GATAD2A: variants seen among roughly 807,000 people sequenced by gnomAD.
GATAD2A encodes GATA zinc finger domain containing 2A, also known as transcriptional repressor p66-alpha.
Under a neutral mutation model 68.5 loss-of-function variants are expected in GATAD2A, and 12 were observed. The observed-to-expected ratio is 0.18, with a 90% confidence interval of 0.11 to 0.28. GATAD2A has a LOEUF of 0.28. Among genes scored for constraint, GATAD2A ranks in the 10% least tolerant of loss-of-function variants. The pLI is 1.00. For missense variants in GATAD2A, 755 were observed against 868.5 expected (o/e 0.87, Z 1.64); for synonymous variants, 410 against 375.3 (o/e 1.09, Z -1.07).
intron 1 of GATAD2A, among the ~76,000 whole-genome samples, chr19:19,436,569 G>A (rs930928505): frequency 1.2e-4 from 19 of 152,210 alleles, no homozygotes; most frequent in Admixed American, 6.5e-5. Context: ...GATAGATGCC[G>A]TTAGACTTTT....
rs148216799 is a variant in GATAD2A at position 19,482,801 on chromosome 19, T to A, written c.270-9505T>A. Among the ~76,000 whole-genome samples, 338 of 152,326 alleles carry A rather than the reference T, an allele frequency of 2.2e-3. 2 individuals are homozygous for A. The highest frequency in any genetic ancestry group is 7.2e-3 in the African/African-American group (301 of 41,564). ...CATTTCTAATGCATGTGTCTTCCTG[T>A]ATTTCTAAGCAGAACGTGCTGGATT... On this transcript the variant is annotated intron_variant, in intron 2 of 11. Coordinates refer to ENST00000683918, the MANE Select transcript of GATAD2A (RefSeq NM_001384528.1).
chr19:19,449,850 C>T (rs528186255), intron 1 of GATAD2A, among the ~76,000 whole-genome samples: 2 of 152,328 alleles, frequency 1.3e-5, no homozygotes, highest in South Asian at 4.1e-4. Flanking sequence ...TTTACAAGTC[C>T]TCTACCTGAA....
chr19:19,418,252 A>G (rs1449940198), intron 1 of GATAD2A, among the ~76,000 whole-genome samples: 1 of 152,176 alleles, frequency 6.6e-6, no homozygotes, highest in African/African-American at 2.4e-5. Flanking sequence ...TGAAGAGAGC[A>G]TGGCTCTCTG....
At chr19:19,498,759 C>T in intron 8 of GATAD2A, 37 bp downstream of exon 8, 2 of 1,562,654 alleles carry the variant, frequency 1.3e-6, no homozygotes, top group Non-Finnish European at 8.7e-7. Context: ...GCTTCCGCCT[C>T]TGGCCTCCAA....
At position 19,505,354 on chromosome 19, in the gene GATAD2A, T is replaced by TG; in HGVS notation, c.1786dup (p.Ala596GlyfsTer60). The TG allele has an allele frequency of 6.2e-7, 1 of 1,613,296 alleles. No individual in the cohort carries two copies. Among genetic ancestry groups the TG allele is most frequent in the Non-Finnish European group, 8.5e-7 (1 of 1,179,728 alleles). On this transcript the variant is annotated frameshift_variant, in exon 12 of 12. Coordinates refer to ENST00000683918, the MANE Select transcript of GATAD2A (RefSeq NM_001384528.1). LOFTEE classifies it high-confidence loss of function. ...TCTGTTCTGTTGCAGGCGGGACCCT[T>TG]GCGTTTGTCAGCCCAAGCCTGGCGG...
chr19:19,477,645 G>A (rs537856576), intron 2 of GATAD2A, among the ~76,000 whole-genome samples: 133 of 152,328 alleles, frequency 8.7e-4, no homozygotes, highest in African/African-American at 2.8e-3. Flanking sequence ...GATGCAGGAA[G>A]GGTGGAACAT....
At position 19,436,636 on chromosome 19, in the gene GATAD2A, T is replaced by A. The variant is rs369551929; in HGVS notation, c.-6-28704T>A. 6.6e-5 allele frequency among the ~76,000 whole-genome samples: 10 copies of A among 152,334 alleles called. No individual in the cohort carries two copies. In the East Asian group the frequency reaches 1.5e-3, roughly 23 times the overall value. On this transcript the variant is annotated intron_variant, in intron 1 of 11. Transcript: ENST00000683918. Reference sequence around the variant, plus strand: ...ACTGGTTCTTGGAGCTGGTTGCCCTTACCTTGCCTCGTGCCTCATGGCAAA... The same window carrying A: ...ACTGGTTCTTGGAGCTGGTTGCCCTAACCTTGCCTCGTGCCTCATGGCAAA...
intron 1 of GATAD2A, among the ~76,000 whole-genome samples, chr19:19,430,469 G>A (rs1259118671): frequency 6.6e-6 from 1 of 152,232 alleles, no homozygotes; most frequent in Non-Finnish European, 1.5e-5. Flanking sequence ...GAACGGTGTT[G>A]TTGGGTTTCA....
At position 19,495,825 on chromosome 19, in the gene GATAD2A, G is replaced by A. The variant is rs1047361; in HGVS notation, c.696G>A (p.Ser232=). 0.37 allele frequency: 601,541 copies of A among 1,612,800 alleles called. 117,027 individuals carry two copies. The highest frequency in any genetic ancestry group is 0.63 in the African/African-American group (46,878 of 74,838). Residue 232 remains serine, a synonymous_variant, in exon 6 of 12, where the codon TCG becomes TCA. Coordinates refer to ENST00000683918, the MANE Select transcript of GATAD2A (RefSeq NM_001384528.1). ...TCCGAGGTGGGCAGCAGGCGTCCTCGAAGCTGGGGCCACAGGCGAGCTCAC... is the reference window on the plus strand; with the variant it reads ...TCCGAGGTGGGCAGCAGGCGTCCTCAAAGCTGGGGCCACAGGCGAGCTCAC... ...PLVRGGQQAS[S]KLGPQASSQV...
chr19:19,457,902 C>G (rs1409920010), intron 1 of GATAD2A, among the ~76,000 whole-genome samples: 2 of 152,090 alleles, frequency 1.3e-5, no homozygotes, highest in East Asian at 3.9e-4. Flanking sequence ...TGACACATGC[C>G]CGTCTCCAAC....
intron 5 of GATAD2A, 112 bp from the exon 6 acceptor site, chr19:19,495,634 TAAAAAAAA>T (rs3067692): frequency 9.1e-6 from 5 of 547,260 alleles, no homozygotes; most frequent in African/African-American, 2.4e-5. Context: ...CTCTGCTACT[TAAAAAAAA>T]AAAAAAAAAA....
intron 1 of GATAD2A, among the ~76,000 whole-genome samples, chr19:19,437,834 T>G (rs79954596): frequency 0.12 from 18,384 of 152,256 alleles, 1,135 homozygotes; most frequent in South Asian, 0.17. Context: ...TGATGGACAT[T>G]TGAGTTGTTT....
intron 2 of GATAD2A, among the ~76,000 whole-genome samples, chr19:19,468,237 T>G (rs10405625): frequency 0.43 from 65,650 of 152,130 alleles, 15,576 homozygotes; most frequent in African/African-American, 0.63. Context: ...ACTGTCAGCT[T>G]TGAGGACCAA....
At chr19:19,403,093 T>C (rs527661508), upstream of GATAD2A, among the ~76,000 whole-genome samples, 370 of 52,680 alleles carry the variant, frequency 7.0e-3, 2 homozygotes, top group African/African-American at 0.054. Context: ...ATTGACTGTC[T>C]TTGTTTTCAG....
intron 8 of GATAD2A, among the ~76,000 whole-genome samples, chr19:19,500,164 C>T (rs1435668385): frequency 6.6e-6 from 1 of 152,228 alleles, no homozygotes; most frequent in Non-Finnish European, 1.5e-5. Context: ...CTGCTGGAGG[C>T]ATCTCCTGAC....
At chr19:19,488,434 G>A (rs1045089741) in intron 2 of GATAD2A, among the ~76,000 whole-genome samples, 1 of 152,232 alleles carries the variant, frequency 6.6e-6, no homozygotes, top group Admixed American at 6.5e-5. Context: ...TACCAGGCAG[G>A]CCTGTTCAGA....
chr19:19,426,595 C>A (rs2053119733), intron 1 of GATAD2A, among the ~76,000 whole-genome samples: 1 of 151,582 alleles, frequency 6.6e-6, no homozygotes, highest in Admixed American at 6.5e-5. Flanking sequence ...ACTGCAGCCT[C>A]CGCCTCCTGG....
At position 19,486,108 on chromosome 19, in the gene GATAD2A, C is replaced by T. The variant is rs141601768; in HGVS notation, c.270-6198C>T. Among the ~76,000 whole-genome samples the T allele has an allele frequency of 2.7e-3, 411 of 152,312 alleles. 4 individuals are homozygous for T. The highest frequency in any genetic ancestry group is 9.3e-3 in the African/African-American group (386 of 41,574). ...GGCGCTCCCCAGCCTTGCCAGGCCC[C>T]CAGCAGACCCAGTCTGCCCTTGGGG... On this transcript the variant is annotated intron_variant, in intron 2 of 11. Coordinates refer to ENST00000683918, the MANE Select transcript of GATAD2A (RefSeq NM_001384528.1).
upstream of GATAD2A, among the ~76,000 whole-genome samples, chr19:19,405,046 G>A (rs1464565441): frequency 6.6e-6 from 1 of 152,174 alleles, no homozygotes; most frequent in Non-Finnish European, 1.5e-5. Flanking sequence ...TACTGGAGAG[G>A]GAGGGGTGCA....
Sources: allele counts gnomAD v4.1 joint callset (sites outside exome capture counted in the v4.1 genomes callset), GRCh38; gene constraint gnomAD v4.1.1; transcripts MANE v1.5; gene names NCBI Gene and HGNC (gene_info 2026-07-23, HGNC 2026-07-21).